The following C1QTNF5 variants were observed in gnomAD, a reference collection of about 807,000 sequenced individuals.
The protein encoded by C1QTNF5 is complement C1q tumor necrosis factor-related protein 5.
Under a neutral mutation model 10.9 loss-of-function variants are expected in C1QTNF5, and 5 were observed. That is an observed-to-expected ratio of 0.46 (90% CI 0.24 to 0.97). The LOEUF (loss-of-function observed/expected upper bound fraction) is 0.97. Ranked by LOEUF, C1QTNF5 falls within the 50% of genes least tolerant of loss-of-function variation. The probability of loss-of-function intolerance (pLI) is 0.19; values close to 1 mark genes in which losing one functional copy is unlikely to be tolerated. For synonymous variants in C1QTNF5, 161 were observed against 156.5 expected (o/e 1.03, Z -0.22); for missense variants, 281 against 339.4 (o/e 0.83, Z 1.35).
chr11:119,341,520 A>G (rs769523574), upstream of C1QTNF5: 2 of 1,584,964 alleles, frequency 1.3e-6, no homozygotes, highest in Non-Finnish European at 1.7e-6. Flanking sequence ...GAGGACGGGC[A>G]GGAAGAGGGC....
At chr11:119,344,990 A>G, upstream of C1QTNF5, 1 of 1,605,240 alleles carries the variant, frequency 6.2e-7, no homozygotes, top group East Asian at 2.2e-5. Context: ...GGGGGGAGGC[A>G]CCCTTCCACA....
At chr11:119,341,906 A>C, upstream of C1QTNF5, 1 of 1,613,388 alleles carries the variant, frequency 6.2e-7, no homozygotes, top group Non-Finnish European at 8.5e-7. Flanking sequence ...GATCATGCCC[A>C]CCCAGATGTT....
chr11:119,344,270 C>T, upstream of C1QTNF5: 2 of 1,565,444 alleles, frequency 1.3e-6, no homozygotes, highest in Non-Finnish European at 1.8e-6. Context: ...GGATCAGGTG[C>T]TTCCGTGTGT....
chr11:119,343,075 C>T (rs1263363215), upstream of C1QTNF5: 19 of 1,538,174 alleles, frequency 1.2e-5, 1 homozygote, highest in Admixed American at 3.7e-4. Context: ...CTCCCACAGG[C>T]CTGGCTCTGA....
chr11:119,343,435 T>C (rs1950524269), upstream of C1QTNF5, among the ~76,000 whole-genome samples: 2 of 152,160 alleles, frequency 1.3e-5, no homozygotes, highest in Non-Finnish European at 2.9e-5. Context: ...AAGGAGCACT[T>C]GAAGCTGGGA....
At position 119,339,918 on chromosome 11, in the gene C1QTNF5, G is replaced by T; in HGVS notation, c.215-70C>A. 11 of 1,422,660 alleles carry T rather than the reference G, an allele frequency of 7.7e-6. No homozygotes were observed. The highest frequency in any genetic ancestry group is 9.1e-6 in the Non-Finnish European group (10 of 1,094,202). The allele number at this position is 1,422,660 out of a possible 1,614,324, so 88.1% of individuals were successfully genotyped here. On this transcript the variant is annotated intron_variant, in intron 2 of 2. Coordinates refer to ENST00000528368, the MANE Select transcript of C1QTNF5 (RefSeq NM_001278431.2). The surrounding 1 kb of genome is among the most constrained non-coding windows in gnomAD (Gnocchi z 5.4). ...GCCCGCAGCGGGGCGGCGACTCTAA[G>T]GTCACCGTACCCCTCCCCGCCCCTG...
upstream of C1QTNF5, chr11:119,341,654 G>A (rs377691108): frequency 1.6e-5 from 26 of 1,612,882 alleles, no homozygotes; most frequent in Admixed American, 6.7e-5. Flanking sequence ...CTGGTGCTCC[G>A]CTTCCTGGCA....
chr11:119,345,886 A>T (rs766079913), upstream of C1QTNF5: 8 of 1,613,546 alleles, frequency 5.0e-6, no homozygotes, highest in African/African-American at 1.1e-4. Context: ...TCCGGCAGGC[A>T]GTGGGCTATG....
chr11:119,341,790 C>T (rs201826273), upstream of C1QTNF5: 1 of 1,613,266 alleles, frequency 6.2e-7, no homozygotes, highest in Non-Finnish European at 8.5e-7. Context: ...GGGAGAGTGG[C>T]CTTCAGGCAC....
upstream of C1QTNF5, chr11:119,344,004 T>C (rs1950531305): frequency 6.2e-7 from 1 of 1,607,978 alleles, no homozygotes; most frequent in Non-Finnish European, 8.5e-7. Flanking sequence ...TGGCCCCTTC[T>C]CCTGTCTCAT....
chr11:119,344,480 G>T, upstream of C1QTNF5: 1 of 1,557,940 alleles, frequency 6.4e-7, no homozygotes, highest in Non-Finnish European at 8.8e-7. Flanking sequence ...GAGAGTTTTG[G>T]CCATGCCCAT....
At chr11:119,341,436 C>G (rs1950501320), upstream of C1QTNF5, 2 of 896,988 alleles carry the variant, frequency 2.2e-6, no homozygotes, top group African/African-American at 1.7e-5. Flanking sequence ...CTGGGAGCCC[C>G]AGAGAAGGAT....
chr11:119,341,113 C>G (rs958429816), upstream of C1QTNF5: 1 of 212,562 alleles, frequency 4.7e-6, no homozygotes, highest in Non-Finnish European at 9.6e-6. Context: ...GGGAGAAATA[C>G]GCAGAGAGAT....
upstream of C1QTNF5, chr11:119,342,015 G>T: frequency 6.2e-7 from 1 of 1,612,220 alleles, no homozygotes; most frequent in Non-Finnish European, 8.5e-7. Context: ...GCCACTGTGG[G>T]GACTGCTCAC....
rs1402876313 is a variant in C1QTNF5, at chr11:119,339,604, G to A, written c.459C>T (p.Phe153=). ...FTCQVPGVYY[F]AVHATVYRAS... ...CCCGGTAGACGGTGGCATGGACGGC[G>A]AAGTAGTAGACCCCAGGCACCTGGC... The change falls in exon 3 of 3, where the codon TTC becomes TTT. Residue 153 remains phenylalanine, a synonymous_variant. Coordinates refer to ENST00000528368, the MANE Select transcript of C1QTNF5 (RefSeq NM_001278431.2). The surrounding 1 kb of genome is among the most constrained non-coding windows in gnomAD (Gnocchi z 5.4). 2 of 1,613,126 alleles carry A rather than the reference G, an allele frequency of 1.2e-6. No homozygotes were observed. The highest frequency in any genetic ancestry group is 4.5e-5 in the East Asian group (2 of 44,888).
rs368962202 is a variant in C1QTNF5, at chr11:119,339,648, C to T, written c.415G>A (p.Val139Ile). The change falls in exon 3 of 3, where the codon GTC becomes ATC. Residue 139 changes from valine to isoleucine, a missense_variant. By Grantham distance (29) the Val-to-Ile change is conservative. Transcript: ENST00000528368. The surrounding 1 kb of genome is among the most constrained non-coding windows in gnomAD (Gnocchi z 5.4). ...LVNEQGHYDA[V>I]TGKFTCQVPG... Reference sequence around the variant, plus strand: ...ACCTGGCAGGTGAACTTGCCGGTGACGGCGTCGTAATGTCCCTGCTCGTTC... The same window carrying T: ...ACCTGGCAGGTGAACTTGCCGGTGATGGCGTCGTAATGTCCCTGCTCGTTC... 47 of 1,612,468 alleles carry T rather than the reference C, an allele frequency of 2.9e-5. 1 individual carries two copies. In the Middle Eastern group the frequency reaches 5.0e-4, roughly 17 times the overall value.
chr11:119,343,983 G>A, upstream of C1QTNF5: 1 of 1,610,656 alleles, frequency 6.2e-7, no homozygotes, highest in Non-Finnish European at 8.5e-7. Context: ...GGGCATAGGT[G>A]GAGCAATTCA....
upstream of C1QTNF5, chr11:119,345,152 C>A: frequency 2.9e-6 from 3 of 1,049,846 alleles, no homozygotes; most frequent in Non-Finnish European, 4.2e-6. Context: ...CCAGGGAGCT[C>A]TGACCTTCCT....
chr11:119,341,421 C>T (rs540060386), upstream of C1QTNF5: 8 of 773,588 alleles, frequency 1.0e-5, no homozygotes, highest in African/African-American at 1.4e-4. Context: ...TTCTCTTCCC[C>T]CTCCCTGGGA....
Sources: allele counts gnomAD v4.1 joint callset (sites outside exome capture counted in the v4.1 genomes callset), GRCh38; gene constraint gnomAD v4.1.1; non-coding constraint Gnocchi (gnomAD v3.1); transcripts MANE v1.5; gene names NCBI Gene and HGNC (gene_info 2026-07-23, HGNC 2026-07-21).